Variants in SCAND3 observed in about 807,000 individuals in gnomAD.
SCAND3 encodes the protein SCAN domain-containing protein 3.
chr6:28,606,181 T>C, the SCAND3 span, among the ~76,000 whole-genome samples: 1 of 152,188 alleles, frequency 6.6e-6, no homozygotes, highest in African/African-American at 2.4e-5. Context: ...AAGAAGCAAC[T>C]CATAAGGCAA....
the SCAND3 span, among the ~76,000 whole-genome samples, chr6:28,607,280 C>G: frequency 2.0e-5 from 3 of 152,140 alleles, no homozygotes; most frequent in Admixed American, 2.0e-4. Flanking sequence ...TTTCCACTTT[C>G]CTTTCTCCCT....
chr6:28,581,956 C>T, the SCAND3 span, among the ~76,000 whole-genome samples: 1 of 152,134 alleles, frequency 6.6e-6, no homozygotes, highest in Non-Finnish European at 1.5e-5. Context: ...CACACAAAAA[C>T]AAGAAAAATG....
At chr6:28,596,044 T>C in the SCAND3 span, among the ~76,000 whole-genome samples, 1 of 152,234 alleles carries the variant, frequency 6.6e-6, no homozygotes, top group African/African-American at 2.4e-5. Context: ...GAGGGCCATT[T>C]GGCAATATCT....
the SCAND3 span, chr6:28,598,085 T>C: frequency 1.3e-5 from 2 of 152,198 alleles, no homozygotes; most frequent in Non-Finnish European, 2.9e-5. Flanking sequence ...TGATTTAGCC[T>C]GGCTGCCACC....
chr6:28,584,001 T>C, the SCAND3 span, among the ~76,000 whole-genome samples: 1 of 152,208 alleles, frequency 6.6e-6, no homozygotes, highest in Non-Finnish European at 1.5e-5. Context: ...TTTGGAATCA[T>C]AAATTAAATC....
the SCAND3 span, chr6:28,589,856 G>GTTTTTTTTTTTTTTTT: frequency 1.7e-5 from 2 of 116,542 alleles, no homozygotes; most frequent in Non-Finnish European, 3.6e-5. Context: ...TTTTTTGTTT[G>GTTTTTTTTTTTTTTTT]TTTTTTTTTT....
chr6:28,576,194 A>C, the SCAND3 span: 2 of 1,380,982 alleles, frequency 1.4e-6, no homozygotes. Context: ...TAAAAGACAT[A>C]TATTGCCAAA....
the SCAND3 span, among the ~76,000 whole-genome samples, chr6:28,602,170 C>T: frequency 3.3e-5 from 5 of 152,022 alleles, no homozygotes; most frequent in Admixed American, 3.3e-4. Flanking sequence ...GTTATCTTTT[C>T]TCACATATGA....
At chr6:28,575,714 G>T in the SCAND3 span, 8 of 1,614,056 alleles carry the variant, frequency 5.0e-6, no homozygotes, top group Non-Finnish European at 6.8e-6. This position sits in a 1 kb window ranked among gnomAD's most constrained non-coding sequence, Gnocchi z 4.2. Context: ...TATTTCGCTT[G>T]TAACTCTTTC....
chr6:28,607,305 C>G, the SCAND3 span, among the ~76,000 whole-genome samples: 1 of 152,016 alleles, frequency 6.6e-6, no homozygotes, highest in South Asian at 2.1e-4. Flanking sequence ...TTAAATAAAC[C>G]TAGTCTCATT....
chr6:28,580,013 A>T, the SCAND3 span, among the ~76,000 whole-genome samples: 3 of 152,366 alleles, frequency 2.0e-5, no homozygotes, highest in African/African-American at 7.2e-5. Context: ...CCAAAATTGC[A>T]CATAAACCAG....
the SCAND3 span, among the ~76,000 whole-genome samples, chr6:28,585,007 A>G: frequency 6.6e-6 from 1 of 152,242 alleles, no homozygotes; most frequent in Non-Finnish European, 1.5e-5. Context: ...CAATCCACAC[A>G]CTTAACAAAT....
the SCAND3 span, chr6:28,573,024 A>T: frequency 6.2e-7 from 1 of 1,613,106 alleles, no homozygotes; most frequent in Non-Finnish European, 8.5e-7. Context: ...CACATTTGTT[A>T]ACAATATAAT....
At chr6:28,589,891 C>G in the SCAND3 span, 1 of 149,806 alleles carries the variant, frequency 6.7e-6, no homozygotes, top group East Asian at 2.0e-4. Context: ...GACCTTGCGC[C>G]CCGGGTTACT....
At chr6:28,574,920 C>G in the SCAND3 span, 3 of 1,613,914 alleles carry the variant, frequency 1.9e-6, no homozygotes, top group Non-Finnish European at 1.7e-6. Flanking sequence ...TTAGTCTGCT[C>G]TCAGGAGGGC....
At chr6:28,603,503 G>T in the SCAND3 span, among the ~76,000 whole-genome samples, 102 of 152,216 alleles carry the variant, frequency 6.7e-4, no homozygotes, top group African/African-American at 2.3e-3. Context: ...GTTTCAGTAT[G>T]AGGTGTGTAG....
chr6:28,578,954 G>T, the SCAND3 span, among the ~76,000 whole-genome samples: 1 of 152,052 alleles, frequency 6.6e-6, no homozygotes, highest in African/African-American at 2.4e-5. Flanking sequence ...GTGGTCAGAG[G>T]CTACAGCAAT....
the SCAND3 span, among the ~76,000 whole-genome samples, chr6:28,600,175 TTAAGGGAATGAAAAGAAGA>T: frequency 6.6e-6 from 1 of 151,934 alleles, no homozygotes; most frequent in Non-Finnish European, 1.5e-5. Context: ...AAATACACCG[TTAAGGGAATGAAAAGAAGA>T]TGTACAAAGA....
At chr6:28,596,572 G>C in the SCAND3 span, among the ~76,000 whole-genome samples, 1 of 151,802 alleles carries the variant, frequency 6.6e-6, no homozygotes, top group Non-Finnish European at 1.5e-5. Flanking sequence ...GGAATCATGT[G>C]AATGCAGTGC....
Sources: allele counts gnomAD v4.1 joint callset (sites outside exome capture counted in the v4.1 genomes callset), GRCh38; gene constraint gnomAD v4.1.1; non-coding constraint Gnocchi (gnomAD v3.1); transcripts MANE v1.5; gene names NCBI Gene and HGNC (gene_info 2026-07-23, HGNC 2026-07-21).